Variants in SH3GLB1 observed in about 807,000 individuals in gnomAD.
SH3GLB1 encodes the protein endophilin-B1.
Under a neutral mutation model 42.0 loss-of-function variants are expected in SH3GLB1, and 17 were observed. The observed-to-expected ratio is 0.40, with a 90% CI of 0.28 to 0.61. The LOEUF (loss-of-function observed/expected upper bound fraction) is 0.61. SH3GLB1 is among the 20% of genes least tolerant of loss of function. The pLI is 0.36. For missense variants in SH3GLB1, 355 were observed against 426.3 expected, an observed-to-expected ratio of 0.83 and a Z score of 1.47; for synonymous variants, 132 against 146.6, an observed-to-expected ratio of 0.90 and a Z score of 0.72.
rs1474128192 is a variant in SH3GLB1, at chr1:86,745,023, G to A, written c.*1788G>A. 6.6e-6 allele frequency: 1 copy of A among 152,152 alleles called. No individual in the cohort carries two copies. The highest frequency in any genetic ancestry group is 1.5e-5 in the Non-Finnish European group (1 of 68,030). 9.4% of individuals were successfully genotyped at this position (152,152 alleles called of 1,614,324 possible). A position where few individuals can be genotyped will look rare whatever the true frequency, so the allele number is the denominator to read the frequency against. ...GAGTACCATCTATTGTGTTTTATAA[G>A]TCCAGATTTAGGCTTTGAAAGATCA... On this transcript the variant is annotated 3_prime_UTR_variant, in exon 9 of 9. Coordinates refer to ENST00000370558, the MANE Select transcript of SH3GLB1 (RefSeq NM_016009.5).
chr1:86,726,922 C>G (rs1201927680), intron 5 of SH3GLB1, among the ~76,000 whole-genome samples: 17 of 151,642 alleles, frequency 1.1e-4, no homozygotes, highest in Admixed American at 1.1e-3. Context: ...AGTGGTTAAT[C>G]TGACCTTAGA....
intron 7 of SH3GLB1, among the ~76,000 whole-genome samples, chr1:86,740,062 C>A (rs1017216307): frequency 3.3e-5 from 5 of 151,906 alleles, no homozygotes; most frequent in Non-Finnish European, 7.4e-5. Context: ...GAGAGAATTG[C>A]TTGCTTAAGC....
At chr1:86,705,550 C>T (rs191712355) in intron 1 of SH3GLB1, among the ~76,000 whole-genome samples, 1 of 152,278 alleles carries the variant, frequency 6.6e-6, no homozygotes. Context: ...TTTGCCAAGA[C>T]CACAAGAAAC....
intron 7 of SH3GLB1, among the ~76,000 whole-genome samples, chr1:86,741,822 A>G (rs981529314): frequency 4.6e-5 from 7 of 152,184 alleles, no homozygotes; most frequent in Middle Eastern, 3.2e-3. Flanking sequence ...AAATTAAGAA[A>G]GCCTCATACT....
chr1:86,709,223 A>T (rs1654050892), intron 1 of SH3GLB1, among the ~76,000 whole-genome samples: 1 of 152,218 alleles, frequency 6.6e-6, no homozygotes, highest in African/African-American at 2.4e-5. Context: ...GTGCTAAGGC[A>T]TCAACTCTGT....
At chr1:86,723,057 A>C (rs1444789765) in intron 4 of SH3GLB1, among the ~76,000 whole-genome samples, 1 of 152,198 alleles carries the variant, frequency 6.6e-6, no homozygotes, top group Non-Finnish European at 1.5e-5. Flanking sequence ...ATTTTCTAAG[A>C]GTTTTACAAA....
rs560125043 is a variant in SH3GLB1 at position 86,746,183 on chromosome 1, A to C, written c.*2948A>C. On this transcript the variant is annotated 3_prime_UTR_variant, in exon 9 of 9. Transcript: ENST00000370558. ...TAGTCTCCTGTTATCCTCCCCCTGA[A>C]CAAAGAACAAAGTGAGACTGGGAAG... The C allele has an allele frequency of 2.6e-5, 4 of 152,732 alleles. 1 individual carries two copies. The South Asian group carries it at 8.3e-4, about 32-fold the overall frequency. The allele number at this position is 152,732 out of a possible 1,614,324, so 9.5% of individuals were successfully genotyped here.
intron 5 of SH3GLB1, among the ~76,000 whole-genome samples, chr1:86,724,892 A>AAAAAAAAAAAAAATATATATATATAT (rs1291454820): frequency 1.0e-5 from 1 of 99,700 alleles, no homozygotes; most frequent in Non-Finnish European, 1.8e-5. Context: ...AAAAAAAAAA[A>AAAAAAAAAAAAAATATATATATATAT]ATATATATAT....
At position 86,742,507 on chromosome 1, in the gene SH3GLB1, C is replaced by G. The variant is rs113467378; in HGVS notation, c.990+71C>G. 2,399 of 1,105,550 alleles carry G rather than the reference C, an allele frequency of 2.2e-3. 45 individuals carry two copies. The African/African-American group carries it at 0.034, about 15-fold the overall frequency. 68.5% of individuals were successfully genotyped at this position (1,105,550 alleles called of 1,614,324 possible). On this transcript the variant is annotated intron_variant, in intron 8 of 8. Coordinates refer to ENST00000370558, the MANE Select transcript of SH3GLB1 (RefSeq NM_016009.5). ...TACCTTCTAATATTATAACAAAATG[C>G]AAATTCCTCATTAGTTATTTGGAAA...
chr1:86,707,644 A>ATTTTTTTTTTTTTT (rs948807467), intron 1 of SH3GLB1, among the ~76,000 whole-genome samples: 1 of 116,522 alleles, frequency 8.6e-6, no homozygotes, highest in African/African-American at 3.3e-5. Context: ...TTTACAGGGT[A>ATTTTTTTTTTTTTT]TTTTTTTTTT....
At chr1:86,734,972 G>C (rs1481282087) in intron 6 of SH3GLB1, 107 bp from the exon 7 acceptor site, 2 of 792,282 alleles carry the variant, frequency 2.5e-6, no homozygotes, top group African/African-American at 3.4e-5. Flanking sequence ...TAAAATGTTA[G>C]ATACTGGTGA....
chr1:86,719,770 C>G, intron 3 of SH3GLB1, 135 bp downstream of exon 3: 1 of 715,628 alleles, frequency 1.4e-6, no homozygotes, highest in Non-Finnish European at 2.1e-6. Context: ...TTGAGGTGGG[C>G]GGATCATGAG....
intron 2 of SH3GLB1, among the ~76,000 whole-genome samples, chr1:86,718,831 A>G (rs1654702113): frequency 6.6e-6 from 1 of 152,050 alleles, no homozygotes; most frequent in Non-Finnish European, 1.5e-5. Context: ...CTAATGTTCT[A>G]TTATTGCTTT....
intron 7 of SH3GLB1, among the ~76,000 whole-genome samples, chr1:86,739,800 G>C (rs1253385184): frequency 6.6e-6 from 1 of 152,070 alleles, no homozygotes; most frequent in Non-Finnish European, 1.5e-5. Flanking sequence ...AAAAGGATGA[G>C]ATTTTGTGCA....
intron 1 of SH3GLB1, among the ~76,000 whole-genome samples, chr1:86,709,340 A>G (rs1194797219): frequency 6.6e-6 from 1 of 152,252 alleles, no homozygotes; most frequent in African/African-American, 2.4e-5. Context: ...GGCAACAATA[A>G]GCATGTTAAA....
chr1:86,743,088 T>A, intron 8 of SH3GLB1, 40 bp from the exon 9 acceptor site: 1 of 1,486,034 alleles, frequency 6.7e-7, no homozygotes, highest in South Asian at 1.2e-5. Flanking sequence ...TTGTTTATTT[T>A]TTTAATGTAG....
chr1:86,705,751 C>T (rs1180728083), intron 1 of SH3GLB1, among the ~76,000 whole-genome samples: 1 of 152,186 alleles, frequency 6.6e-6, no homozygotes, highest in Admixed American at 6.5e-5. Context: ...TGGGCCGTTT[C>T]CCACAGTCAT....
Position 86,710,889 on chromosome 1 carries a change from A to G in SH3GLB1, c.73-4835A>G, listed in dbSNP as rs576184960. Among the ~76,000 whole-genome samples the G allele has an allele frequency of 1.4e-4, 21 of 152,360 alleles. No homozygotes were observed. The South Asian group carries it at 4.3e-3, about 32-fold the overall frequency. On this transcript the variant is annotated intron_variant, in intron 1 of 8. Transcript: ENST00000370558. ...AAATAGTTATGAATGAGTTTAGAACAGTGGTTCTCAGTCTTGGCTGCACTT... is the reference window on the plus strand; with the variant it reads ...AAATAGTTATGAATGAGTTTAGAACGGTGGTTCTCAGTCTTGGCTGCACTT...
chr1:86,719,391 G>T, intron 2 of SH3GLB1, 116 bp from the exon 3 acceptor site: 1 of 661,374 alleles, frequency 1.5e-6, no homozygotes, highest in East Asian at 3.3e-5. Context: ...TAAGATATGT[G>T]CTTGAATGAA....
Sources: allele counts gnomAD v4.1 joint callset (sites outside exome capture counted in the v4.1 genomes callset), GRCh38; gene constraint gnomAD v4.1.1; transcripts MANE v1.5; gene names NCBI Gene and HGNC (gene_info 2026-07-23, HGNC 2026-07-21).